Variants in GRID2 observed in about 807,000 individuals in gnomAD.
GRID2 encodes the protein glutamate ionotropic receptor delta type subunit 2.
GRID2 carries 33 observed loss-of-function variants against 114.8 expected under a neutral mutation model. The observed-to-expected ratio is 0.29, with a 90% CI of 0.22 to 0.38. GRID2 has a LOEUF of 0.38. GRID2 is among the 10% of genes least tolerant of loss of function. The pLI, the probability that GRID2 is intolerant of heterozygous loss-of-function variation, is 1.00. For missense variants in GRID2, 1,184 were observed against 1,257.7 expected, an observed-to-expected ratio of 0.94 and a Z score of 0.89; for synonymous variants, 505 against 449.9, an observed-to-expected ratio of 1.12 and a Z score of -1.55.
At chr4:92,739,753 G>A (rs550555148) in intron 2 of GRID2, among the ~76,000 whole-genome samples, 1 of 152,178 alleles carries the variant, frequency 6.6e-6, no homozygotes, top group African/African-American at 2.4e-5. Context: ...GAAGTTATAG[G>A]AGAAGAGGAA....
At chr4:93,177,426 T>G (rs1386779587) in intron 4 of GRID2, among the ~76,000 whole-genome samples, 1 of 152,112 alleles carries the variant, frequency 6.6e-6, no homozygotes, top group Non-Finnish European at 1.5e-5. Context: ...TTATCCTCAT[T>G]TTATGGATGC....
chr4:92,880,907 TTTG>T (rs1350561548), intron 2 of GRID2, among the ~76,000 whole-genome samples: 8 of 151,698 alleles, frequency 5.3e-5, no homozygotes, highest in African/African-American at 1.9e-4. Flanking sequence ...TTTGTTTTGT[TTTG>T]TTTTAGCTTG....
At chr4:92,865,646 C>T (rs1245393203) in intron 2 of GRID2, among the ~76,000 whole-genome samples, 1 of 152,168 alleles carries the variant, frequency 6.6e-6, no homozygotes, top group African/African-American at 2.4e-5. Context: ...TCAATTCACT[C>T]ACAGTTTCAC....
At chr4:93,587,125 G>A (rs2149604175) in intron 13 of GRID2, among the ~76,000 whole-genome samples, 1 of 151,920 alleles carries the variant, frequency 6.6e-6, no homozygotes, top group South Asian at 2.1e-4. Flanking sequence ...TATTCCCTCT[G>A]TTCTCTGCCT....
chr4:93,102,075 C>T (rs192282104), intron 3 of GRID2, among the ~76,000 whole-genome samples: 1 of 152,208 alleles, frequency 6.6e-6, no homozygotes, highest in Admixed American at 6.6e-5. Flanking sequence ...AATCAAGACC[C>T]TTTCTCTTAC....
chr4:93,135,605 C>G (rs1560916126), intron 4 of GRID2, among the ~76,000 whole-genome samples: 2 of 152,134 alleles, frequency 1.3e-5, no homozygotes, highest in Non-Finnish European at 2.9e-5. Flanking sequence ...AGGCTCCCAA[C>G]TGGTCCAAAG....
chr4:92,996,547 A>C lies in GRID2; in HGVS notation c.245-88448A>C, dbSNP rs192594338. On this transcript the variant is annotated intron_variant, in intron 2 of 15. Transcript: ENST00000282020. Reference sequence around the variant, plus strand: ...CCTTAACACTACAGTGTACATTTGCATTGCATTGTACATTACTGATGTCTT... The same window carrying C: ...CCTTAACACTACAGTGTACATTTGCCTTGCATTGTACATTACTGATGTCTT... Among the ~76,000 whole-genome samples, 3 of 152,262 alleles carry C rather than the reference A, an allele frequency of 2.0e-5. No individual in the cohort carries two copies. The East Asian group carries it at 5.8e-4, about 30-fold the overall frequency.
At chr4:93,322,521 G>C (rs888433883) in intron 8 of GRID2, among the ~76,000 whole-genome samples, 4 of 152,066 alleles carry the variant, frequency 2.6e-5, no homozygotes, top group African/African-American at 7.2e-5. Flanking sequence ...GTGCATGTGT[G>C]TTTATAGCAG....
intron 14 of GRID2, among the ~76,000 whole-genome samples, chr4:93,636,307 C>T (rs1005650240): frequency 2.6e-5 from 4 of 151,978 alleles, no homozygotes; most frequent in Non-Finnish European, 4.4e-5. Context: ...TTCAGAAACC[C>T]ATTGGTTTAC....
At chr4:92,861,487 TC>T (rs1358906607) in intron 2 of GRID2, among the ~76,000 whole-genome samples, 1 of 152,062 alleles carries the variant, frequency 6.6e-6, no homozygotes, top group African/African-American at 2.4e-5. Context: ...TCTCATATGG[TC>T]CTCATTGACC....
At chr4:92,609,645 T>C (rs1729628677) in intron 2 of GRID2, among the ~76,000 whole-genome samples, 1 of 150,602 alleles carries the variant, frequency 6.6e-6, no homozygotes, top group African/African-American at 2.4e-5. Context: ...ATAATAATAG[T>C]AGATCACTAT....
chr4:93,605,995 G>T (rs1740197626), intron 13 of GRID2, among the ~76,000 whole-genome samples: 1 of 152,124 alleles, frequency 6.6e-6, no homozygotes, highest in Non-Finnish European at 1.5e-5. Context: ...GGCTGGCCAT[G>T]GTGGCTCACG....
chr4:93,029,407 A>G (rs990610556), intron 2 of GRID2, among the ~76,000 whole-genome samples: 14 of 152,062 alleles, frequency 9.2e-5, no homozygotes, highest in Non-Finnish European at 1.6e-4. Flanking sequence ...TGCATTTCCA[A>G]ATGTGAGCTT....
chr4:93,074,205 C>G (rs752716202), intron 2 of GRID2, among the ~76,000 whole-genome samples: 1 of 152,196 alleles, frequency 6.6e-6, no homozygotes, highest in African/African-American at 2.4e-5. Context: ...CAATTCCTGA[C>G]TAGATTGCTA....
chr4:92,944,521 C>T (rs949735000), intron 2 of GRID2, among the ~76,000 whole-genome samples: 6 of 152,190 alleles, frequency 3.9e-5, no homozygotes, highest in Admixed American at 1.3e-4. Flanking sequence ...CTTACACTTC[C>T]CGGTTGAGGC....
At chr4:92,375,730 C>G (rs2110226895) in intron 1 of GRID2, among the ~76,000 whole-genome samples, 1 of 152,182 alleles carries the variant, frequency 6.6e-6, no homozygotes, top group African/African-American at 2.4e-5. Context: ...TCCCATTATT[C>G]ACACACTGCA....
At chr4:92,616,063 T>C (rs1418052028) in intron 2 of GRID2, among the ~76,000 whole-genome samples, 1 of 151,672 alleles carries the variant, frequency 6.6e-6, no homozygotes. Context: ...CACATAATTA[T>C]CTTTTCCATT....
intron 14 of GRID2, among the ~76,000 whole-genome samples, chr4:93,705,588 T>C (rs1727925871): frequency 6.6e-6 from 1 of 152,184 alleles, no homozygotes; most frequent in Non-Finnish European, 1.5e-5. Flanking sequence ...TATTAATCCC[T>C]TGTCAGATGG....
At chr4:92,465,032 C>T (rs767202895) in intron 1 of GRID2, among the ~76,000 whole-genome samples, 24 of 152,040 alleles carry the variant, frequency 1.6e-4, no homozygotes, top group Admixed American at 7.9e-4. Context: ...GCCAGCTTCC[C>T]CTTCGCCTTC....
Sources: gnomAD v4.1 joint callset for allele counts (sites outside exome capture counted in the v4.1 genomes callset) on GRCh38, gnomAD v4.1.1 for gene constraint, MANE v1.5 for transcripts, NCBI Gene and HGNC (gene_info 2026-07-23, HGNC 2026-07-21) for gene names.